FRMD3: variants seen among roughly 807,000 people sequenced by gnomAD.
The protein encoded by FRMD3 is FERM domain containing 3.
A neutral mutation model predicts 70.2 loss-of-function variants in FRMD3; 33 were observed. The ratio of observed to expected loss-of-function variants is 0.47; its 90% confidence interval spans 0.36 to 0.63. The LOEUF (loss-of-function observed/expected upper bound fraction) is 0.63. Ranked by LOEUF, FRMD3 falls within the 20% of genes least tolerant of loss-of-function variation. The pLI, the probability that FRMD3 is intolerant of heterozygous loss-of-function variation, is 0.00. For missense variants in FRMD3, 632 were observed against 711.4 expected (o/e 0.89, Z 1.27); for synonymous variants, 279 against 255.9 (o/e 1.09, Z -0.86).
At chr9:83,399,042 GATAGACATACAGTCAAC>G (rs1384837416) in intron 1 of FRMD3, among the ~76,000 whole-genome samples, 1 of 152,138 alleles carries the variant, frequency 6.6e-6, no homozygotes, top group East Asian at 1.9e-4. Flanking sequence ...ACTATGAGAA[GATAGACATACAGTCAAC>G]ATCACAGCAA....
chr9:83,310,515 CTTCCCT>C lies in FRMD3; in HGVS notation c.801_806del (p.Gly268_Lys269del). The C allele has an allele frequency of 1.2e-6, 2 of 1,603,954 alleles. No homozygotes were observed. Among genetic ancestry groups the C allele is most frequent in the Non-Finnish European group, 1.7e-6 (2 of 1,177,458 alleles). On this transcript the variant is annotated inframe_deletion, in exon 9 of 14. Coordinates refer to ENST00000304195, the MANE Select transcript of FRMD3 (RefSeq NM_174938.6). ...TCTGGGTGCCAATCACATAAAATGT[CTTCCCT>C]TCAAACTTCAATTTGCAGACATCTG...
chr9:83,362,731 GCTTC>G (rs1386725606), intron 3 of FRMD3, among the ~76,000 whole-genome samples: 1 of 150,688 alleles, frequency 6.6e-6, no homozygotes, highest in Non-Finnish European at 1.5e-5. Flanking sequence ...TATGCATCCT[GCTTC>G]CTTCCTTCCT....
intron 5 of FRMD3, among the ~76,000 whole-genome samples, chr9:83,341,369 T>A (rs928363199): frequency 1.3e-5 from 2 of 152,170 alleles, no homozygotes; most frequent in East Asian, 3.9e-4. Context: ...TCCGTGGCTT[T>A]ATTTCAAACA....
At chr9:83,539,946 G>A (rs1041618313), upstream of FRMD3, among the ~76,000 whole-genome samples, 1 of 152,194 alleles carries the variant, frequency 6.6e-6, no homozygotes, top group Non-Finnish European at 1.5e-5. Flanking sequence ...GATCCTGATG[G>A]AGAGGTCAGT....
chr9:83,350,247 G>A (rs9314712), intron 3 of FRMD3, among the ~76,000 whole-genome samples: 15,374 of 152,164 alleles, frequency 0.1, 807 homozygotes, highest in East Asian at 0.17. Context: ...AGGTTTAAAA[G>A]ATGGAGTCAG....
rs368584160 is a variant in FRMD3, at chr9:83,309,612, A to G, written c.850T>C (p.Leu284=). The change falls in exon 10 of 14, where the codon TTG becomes CTG. Residue 284 remains leucine, a synonymous_variant. Coordinates refer to ENST00000304195, the MANE Select transcript of FRMD3 (RefSeq NM_174938.6). ...GCTGGTGTTGAAGTATGGAATGCCA[A>G]CATGGCTTTTTTCTAATTAAAAAAT... The part of the protein sequence containing the change: ...IGTQKEKKAM[L]AFHTSTPAAC... 2.1e-5 allele frequency: 33 copies of G among 1,583,840 alleles called. No individual in the cohort carries two copies. The African/African-American group carries it at 4.3e-4, about 21-fold the overall frequency.
intron 13 of FRMD3, among the ~76,000 whole-genome samples, chr9:83,278,886 T>C (rs182794938): frequency 3.9e-5 from 6 of 152,122 alleles, no homozygotes; most frequent in Non-Finnish European, 7.4e-5. Context: ...TAAGGGCCCA[T>C]CCAAAGGGCT....
At chr9:83,394,993 T>C (rs1487802422) in intron 1 of FRMD3, among the ~76,000 whole-genome samples, 2 of 152,194 alleles carry the variant, frequency 1.3e-5, no homozygotes, top group Admixed American at 1.3e-4. Flanking sequence ...TTCATGTATC[T>C]ATTAAACACC....
At chr9:83,490,536 C>A (rs918268261) in intron 1 of FRMD3, among the ~76,000 whole-genome samples, 8 of 152,076 alleles carry the variant, frequency 5.3e-5, no homozygotes, top group Admixed American at 1.3e-4. Context: ...CCCACCTCGG[C>A]CTCCCAAAGT....
At chr9:83,265,244 C>CA (rs769325351) in intron 13 of FRMD3, among the ~76,000 whole-genome samples, 7 of 151,510 alleles carry the variant, frequency 4.6e-5, no homozygotes, top group Non-Finnish European at 1.0e-4. Flanking sequence ...ACTAAAAATA[C>CA]AAAAAATTAG....
At position 83,479,698 on chromosome 9, in the gene FRMD3, AAGAAAGAAAGAAAG is replaced by A. The variant is rs1564096810; in HGVS notation, c.147+58373_147+58386del. 5.4e-5 allele frequency among the ~76,000 whole-genome samples: 4 copies of A among 74,310 alleles called. 1 individual carries two copies. Among genetic ancestry groups the A allele is most frequent in the African/African-American group, 2.9e-4 (4 of 13,862 alleles). 48.8% of individuals were successfully genotyped at this position (74,310 alleles called of 152,430 possible). A position where few individuals can be genotyped will look rare whatever the true frequency, so the allele number is the denominator to read the frequency against. On this transcript the variant is annotated intron_variant, in intron 1 of 13. Coordinates refer to ENST00000304195, the MANE Select transcript of FRMD3 (RefSeq NM_174938.6). ...AAAGAAAGAAAGAAAGAAAGAAAGAAAGAAAGAAAGAAAGAAAGAAAGAAAAGAAAGGGAAAGAA... is the reference window on the plus strand; with the variant it reads ...AAAGAAAGAAAGAAAGAAAGAAAGAAAAAGAAAGAAAAGAAAGGGAAAGAA...
Position 83,538,159 on chromosome 9 carries a change from C to T in FRMD3, c.73G>A (p.Val25Ile), listed in dbSNP as rs1186316591. 5.6e-6 allele frequency: 9 copies of T among 1,612,802 alleles called. No homozygotes were observed. Among genetic ancestry groups the T allele is most frequent in the East Asian group, 2.2e-5 (1 of 44,854 alleles). Residue 25 changes from valine (V) to isoleucine (I), a missense_variant, in exon 1 of 14, where the codon GTC becomes ATC. Physicochemically the swap from Val to Ile is conservative, Grantham distance 29. Transcript: ENST00000304195. The surrounding 1 kb of genome is among the most constrained non-coding windows in gnomAD (Gnocchi z 4.7). ...CTCATCTCCTGGCTGAGCGATTTGA[C>T]GCTGGAGCTCCGAAAGTGGATCATT... ...MKMIHFRSSS[V>I]KSLSQEMRCT... is the part of the protein sequence containing the mutation.
intron 3 of FRMD3, among the ~76,000 whole-genome samples, chr9:83,367,772 G>A (rs35498149): frequency 0.28 from 43,062 of 152,004 alleles, 6,856 homozygotes; most frequent in Non-Finnish European, 0.35. Flanking sequence ...TTTATTTTGG[G>A]TGAGTTTTGG....
At chr9:83,254,137 G>A (rs1370201285) in intron 13 of FRMD3, among the ~76,000 whole-genome samples, 1 of 151,802 alleles carries the variant, frequency 6.6e-6, no homozygotes, top group African/African-American at 2.4e-5. Flanking sequence ...AAGGGGGAGG[G>A]ATAGCATTAG....
intron 1 of FRMD3, among the ~76,000 whole-genome samples, chr9:83,402,558 G>T (rs1345213043): frequency 1.3e-5 from 2 of 151,898 alleles, no homozygotes; most frequent in Non-Finnish European, 2.9e-5. Flanking sequence ...GCTGGGGTAG[G>T]GGGAAAATGT....
intron 13 of FRMD3, among the ~76,000 whole-genome samples, chr9:83,273,108 G>A (rs1385857100): frequency 2.6e-5 from 4 of 152,102 alleles, no homozygotes; most frequent in Middle Eastern, 3.4e-3. Context: ...CCCTCTGCCC[G>A]GCTGCCACCC....
intron 1 of FRMD3, among the ~76,000 whole-genome samples, chr9:83,429,100 T>G (rs532120773): frequency 6.6e-6 from 1 of 152,174 alleles, no homozygotes; most frequent in South Asian, 2.1e-4. Flanking sequence ...CTATAATTCA[T>G]GAGAATTAAC....
chr9:83,451,807 G>A (rs892476568), intron 1 of FRMD3, among the ~76,000 whole-genome samples: 1 of 152,088 alleles, frequency 6.6e-6, no homozygotes, highest in Non-Finnish European at 1.5e-5. Flanking sequence ...AACTGCTTAT[G>A]AATTATTAAC....
At chr9:83,335,685 A>G (rs1823554827) in intron 5 of FRMD3, 46 bp from the exon 6 acceptor site, 3 of 1,584,156 alleles carry the variant, frequency 1.9e-6, no homozygotes, top group African/African-American at 2.7e-5. Context: ...ATTAAAAACA[A>G]TAACATGAGC....
Sources: gnomAD v4.1 joint callset for allele counts (sites outside exome capture counted in the v4.1 genomes callset) on GRCh38, gnomAD v4.1.1 for gene constraint, Gnocchi (gnomAD v3.1) non-coding constraint, MANE v1.5 for transcripts, NCBI Gene and HGNC (gene_info 2026-07-23, HGNC 2026-07-21) for gene names.